The following LINC00305 variants were observed in gnomAD, a reference collection of about 807,000 sequenced individuals.
LINC00305 encodes long intergenic non-protein coding RNA 305.
intron 1 of LINC00305, among the ~76,000 whole-genome samples, chr18:64,104,886 C>T (rs939731012): frequency 1.3e-5 from 2 of 151,958 alleles, no homozygotes; most frequent in Middle Eastern, 6.8e-3. Flanking sequence ...CCTCTCTACC[C>T]TTCCTCCTCC....
chr18:64,085,482 A>G (rs1047354839), intron 3 of LINC00305, among the ~76,000 whole-genome samples: 1 of 141,434 alleles, frequency 7.1e-6, no homozygotes, highest in African/African-American at 2.7e-5. Flanking sequence ...TTTTTTTTTG[A>G]GACTGAGTCT....
chr18:64,099,821 T>C (rs913373946), intron 1 of LINC00305, among the ~76,000 whole-genome samples: 9 of 152,174 alleles, frequency 5.9e-5, no homozygotes, highest in African/African-American at 1.9e-4. Flanking sequence ...ATACTTGATA[T>C]GTTCTACATG....
chr18:64,105,566 G>C (rs891751300), intron 1 of LINC00305, among the ~76,000 whole-genome samples: 1 of 152,198 alleles, frequency 6.6e-6, no homozygotes, highest in Admixed American at 6.6e-5. Context: ...TGGGTGGTGT[G>C]TATGTGTGTA....
chr18:64,138,293 G>T (rs1256620550), intron 1 of LINC00305, among the ~76,000 whole-genome samples: 1 of 152,096 alleles, frequency 6.6e-6, no homozygotes, highest in East Asian at 1.9e-4. Context: ...AAAAAGTCCA[G>T]AATTGTGCTG....
intron 1 of LINC00305, among the ~76,000 whole-genome samples, chr18:64,134,234 A>T: frequency 6.6e-6 from 1 of 152,228 alleles, no homozygotes; most frequent in East Asian, 1.9e-4. Context: ...GCAAACAAGA[A>T]TAGCAGGAAA....
chr18:64,098,530 T>G (rs1188799831), intron 2 of LINC00305: 1 of 436,326 alleles, frequency 2.3e-6, no homozygotes, highest in Non-Finnish European at 4.5e-6. Flanking sequence ...GTTAATTTTT[T>G]TCTTAGGTTT....
chr18:64,081,388 T>C (rs2144889422), intron 3 of LINC00305, among the ~76,000 whole-genome samples: 1 of 152,290 alleles, frequency 6.6e-6, no homozygotes, highest in South Asian at 2.1e-4. Flanking sequence ...CAGGTCAGAC[T>C]GGAGGAAGAT....
At chr18:64,098,805 C>T (rs2613658) in intron 1 of LINC00305, among the ~76,000 whole-genome samples, 19,070 of 152,140 alleles carry the variant, frequency 0.13, 1,331 homozygotes, top group Non-Finnish European at 0.16. Context: ...CTATTTGCAC[C>T]CAGCCTGGTT....
At chr18:64,092,057 T>C (rs1036979076) in intron 3 of LINC00305, among the ~76,000 whole-genome samples, 1 of 152,216 alleles carries the variant, frequency 6.6e-6, no homozygotes, top group African/African-American at 2.4e-5. Context: ...ATTTCTGCCC[T>C]TAGGAAACTT....
chr18:64,144,927 C>T (rs910617682), intron 1 of LINC00305, among the ~76,000 whole-genome samples: 6 of 152,184 alleles, frequency 3.9e-5, no homozygotes, highest in East Asian at 1.9e-4. Flanking sequence ...ATGTGACCCT[C>T]GTGGAGAGCC....
At chr18:64,108,610 T>C (rs1375235872) in intron 1 of LINC00305, among the ~76,000 whole-genome samples, 1 of 151,914 alleles carries the variant, frequency 6.6e-6, no homozygotes, top group Non-Finnish European at 1.5e-5. Flanking sequence ...GATAAGAAAA[T>C]AAAGGGTGAA....
chr18:64,105,999 A>C (rs940342378), intron 1 of LINC00305, among the ~76,000 whole-genome samples: 4 of 152,260 alleles, frequency 2.6e-5, no homozygotes, highest in African/African-American at 7.2e-5. Context: ...GCAGGAATGC[A>C]TGTAACATTG....
chr18:64,143,084 G>A (rs1160067241), intron 1 of LINC00305, among the ~76,000 whole-genome samples: 1 of 152,156 alleles, frequency 6.6e-6, no homozygotes, highest in African/African-American at 2.4e-5. Flanking sequence ...GGGAGTTAAA[G>A]ATGTAAGAGT....
intron 1 of LINC00305, among the ~76,000 whole-genome samples, chr18:64,131,785 A>G (rs1264847013): frequency 6.6e-6 from 1 of 152,224 alleles, no homozygotes; most frequent in African/African-American, 2.4e-5. Flanking sequence ...ACCCGAGAAC[A>G]AGTCTCCTGT....
At chr18:64,085,984 C>T (rs1160933763) in intron 3 of LINC00305, among the ~76,000 whole-genome samples, 3 of 152,172 alleles carry the variant, frequency 2.0e-5, no homozygotes, top group African/African-American at 7.2e-5. Context: ...TTGTCCATAG[C>T]ATTTCATTTA....
At position 64,119,789 on chromosome 18, in the gene LINC00305, G is replaced by A. The variant is rs923878826; in HGVS notation, n.315-21149C>T. On this transcript the variant is annotated intron_variant and non_coding_transcript_variant, in intron 1 of 3. Transcript: ENST00000666468. ...GCAGTTGGCAAGAAACCGAAAATCC[G>A]GATTGTTCTACCTCAAAGACCGATC... 4.6e-5 allele frequency among the ~76,000 whole-genome samples: 7 copies of A among 151,940 alleles called. No homozygotes were observed. In the South Asian group the frequency reaches 1.0e-3, roughly 23 times the overall value.
intron 1 of LINC00305, among the ~76,000 whole-genome samples, chr18:64,099,592 T>C (rs2051260257): frequency 6.6e-6 from 1 of 152,208 alleles, no homozygotes; most frequent in South Asian, 2.1e-4. Flanking sequence ...CCTGAATTCA[T>C]TTAGTTTACC....
At chr18:64,122,490 G>A (rs778583998) in intron 1 of LINC00305, among the ~76,000 whole-genome samples, 11 of 151,952 alleles carry the variant, frequency 7.2e-5, no homozygotes, top group Non-Finnish European at 1.5e-4. Flanking sequence ...ACATCAGTTG[G>A]CTATAAAAAT....
At chr18:64,129,844 C>A (rs987954302) in intron 1 of LINC00305, among the ~76,000 whole-genome samples, 13 of 152,010 alleles carry the variant, frequency 8.6e-5, no homozygotes, top group Admixed American at 2.6e-4. Context: ...TTGGTAAAGG[C>A]AGAAAGAGGT....
Sources: allele counts gnomAD v4.1 joint callset (sites outside exome capture counted in the v4.1 genomes callset), GRCh38; gene constraint gnomAD v4.1.1; transcripts MANE v1.5; gene names NCBI Gene and HGNC (gene_info 2026-07-23, HGNC 2026-07-21).